Variants in LHFPL2 observed in about 807,000 individuals in gnomAD.
The protein encoded by LHFPL2 is LHFPL tetraspan subfamily member 2, also known as LHFPL tetraspan subfamily member 2 protein.
A neutral mutation model predicts 17.5 loss-of-function variants in LHFPL2; 7 were observed. That is an observed-to-expected ratio of 0.40 (90% CI 0.23 to 0.75). The LOEUF is 0.75. Ranked by LOEUF, LHFPL2 falls within the 30% of genes least tolerant of loss-of-function variation. The pLI is 0.37. For synonymous variants in LHFPL2, 134 were observed against 116.2 expected, an observed-to-expected ratio of 1.15 and a Z score of -0.99; for missense variants, 241 against 294.8, an observed-to-expected ratio of 0.82 and a Z score of 1.34.
chr5:78,542,147 T>C (rs576174759), intron 3 of LHFPL2, among the ~76,000 whole-genome samples: 63 of 151,956 alleles, frequency 4.1e-4, no homozygotes, highest in African/African-American at 1.5e-3. Flanking sequence ...TAAGCTTTTG[T>C]CCAACTCCTT....
At chr5:78,556,789 G>A (rs928722245) in intron 3 of LHFPL2, among the ~76,000 whole-genome samples, 2 of 152,146 alleles carry the variant, frequency 1.3e-5, no homozygotes, top group African/African-American at 4.8e-5. Context: ...ACTCAGTTAT[G>A]TAAAGAAAAG....
chr5:78,603,819 G>T (rs1744114294), intron 2 of LHFPL2, among the ~76,000 whole-genome samples: 1 of 152,188 alleles, frequency 6.6e-6, no homozygotes, highest in Admixed American at 6.5e-5. Context: ...ACCCTAATTT[G>T]GGGTTAGCTA....
At chr5:78,491,998 C>A (rs1754461914) in intron 4 of LHFPL2, among the ~76,000 whole-genome samples, 1 of 152,186 alleles carries the variant, frequency 6.6e-6, no homozygotes, top group South Asian at 2.1e-4. Context: ...TTAAATATTT[C>A]TAAGGCCTAT....
intron 4 of LHFPL2, among the ~76,000 whole-genome samples, chr5:78,492,111 AG>A (rs1359128100): frequency 2.0e-5 from 3 of 152,002 alleles, no homozygotes; most frequent in African/African-American, 7.3e-5. Flanking sequence ...CCAGGTCCTA[AG>A]GTGCCACTCT....
chr5:78,549,880 G>A (rs1756391049), intron 3 of LHFPL2, among the ~76,000 whole-genome samples: 2 of 152,174 alleles, frequency 1.3e-5, no homozygotes. Context: ...TCACCACAGT[G>A]CAGCTCTCCA....
At chr5:78,601,062 C>T (rs897819682) in intron 2 of LHFPL2, among the ~76,000 whole-genome samples, 7 of 152,154 alleles carry the variant, frequency 4.6e-5, no homozygotes, top group African/African-American at 1.7e-4. Flanking sequence ...TCAGAGTGAC[C>T]CTGCAGGCCC....
At chr5:78,581,323 A>C (rs1396463584) in intron 2 of LHFPL2, among the ~76,000 whole-genome samples, 2 of 152,208 alleles carry the variant, frequency 1.3e-5, no homozygotes, top group Non-Finnish European at 2.9e-5. Flanking sequence ...AACTTCCAAC[A>C]CTATATTGAA....
At chr5:78,547,181 C>T (rs1279468048) in intron 3 of LHFPL2, among the ~76,000 whole-genome samples, 2 of 152,186 alleles carry the variant, frequency 1.3e-5, no homozygotes, top group Non-Finnish European at 2.9e-5. Flanking sequence ...AGAAATGCCA[C>T]TCAGCCCGAA....
chr5:78,601,932 G>A (rs1488967621), intron 2 of LHFPL2, among the ~76,000 whole-genome samples: 2 of 152,172 alleles, frequency 1.3e-5, no homozygotes, highest in Non-Finnish European at 2.9e-5. Flanking sequence ...GTAGGAAGGA[G>A]TCAATGGGTG....
chr5:78,566,451 C>T (rs1466303354), intron 2 of LHFPL2, among the ~76,000 whole-genome samples: 1 of 151,542 alleles, frequency 6.6e-6, no homozygotes, highest in Non-Finnish European at 1.5e-5. Flanking sequence ...TTTGTTATAA[C>T]AGTTAAGGAA....
intron 3 of LHFPL2, among the ~76,000 whole-genome samples, chr5:78,552,668 A>G (rs1163981573): frequency 1.3e-5 from 2 of 152,180 alleles, no homozygotes; most frequent in Non-Finnish European, 1.5e-5. Context: ...TGCAGGGGGG[A>G]AAGAATTAGG....
At chr5:78,632,508 G>A (rs1193778736) in intron 1 of LHFPL2, 140 bp from the exon 2 acceptor site, 2 of 152,192 alleles carry the variant, frequency 1.3e-5, no homozygotes, top group Admixed American at 1.3e-4. Context: ...CCTGGCCAAG[G>A]GGCTGGATCA....
chr5:78,486,143 A>G lies in LHFPL2; in HGVS notation c.*2754T>C, dbSNP rs1754232933. On this transcript the variant is annotated 3_prime_UTR_variant, in exon 5 of 5. Transcript: ENST00000380345. ...AAAAGACTATGGCACTTTACAGAAT[A>G]TATGTTTAACAAAGATCATTACACC... 1 of 152,656 alleles carries G rather than the reference A, an allele frequency of 6.6e-6. No individual in the cohort carries two copies. The highest frequency in any genetic ancestry group is 2.4e-5 in the African/African-American group (1 of 41,448). The allele number at this position is 152,656 out of a possible 1,614,324, so 9.5% of individuals were successfully genotyped here. A position where few individuals can be genotyped will look rare whatever the true frequency, so the allele number is the denominator to read the frequency against.
intron 2 of LHFPL2, among the ~76,000 whole-genome samples, chr5:78,574,909 C>T (rs1221211512): frequency 6.6e-6 from 1 of 152,266 alleles, no homozygotes; most frequent in Non-Finnish European, 1.5e-5. Flanking sequence ...ACCTCAGTCT[C>T]TCTGTGTGAC....
intron 2 of LHFPL2, among the ~76,000 whole-genome samples, chr5:78,579,698 T>C (rs1743016867): frequency 6.6e-6 from 1 of 152,214 alleles, no homozygotes; most frequent in African/African-American, 2.4e-5. Context: ...CTGCATAGTA[T>C]TCCATGGTGT....
intron 3 of LHFPL2, among the ~76,000 whole-genome samples, chr5:78,545,182 G>A (rs963070948): frequency 5.3e-5 from 8 of 152,132 alleles, no homozygotes; most frequent in African/African-American, 1.7e-4. Context: ...GCTTCTTCAC[G>A]TCCAGCTCCA....
chr5:78,490,746 C>CAAAAAAAAAAA lies in LHFPL2; in HGVS notation c.431-1604_431-1594dup, dbSNP rs370809060. Reference sequence around the variant, plus strand: ...CTGGCAAAAGAGTGAGACTCCCTCTCAAAAAAAAAAAAAAAAAAGCAAGAT... The same window carrying CAAAAAAAAAAA: ...CTGGCAAAAGAGTGAGACTCCCTCTCAAAAAAAAAAAAAAAAAAAAAAAAAAAAAGCAAGAT... On this transcript the variant is annotated intron_variant, in intron 4 of 4. Transcript: ENST00000380345. Among the ~76,000 whole-genome samples the CAAAAAAAAAAA allele has an allele frequency of 3.9e-3, 357 of 92,086 alleles. 21 individuals carry two copies. Among genetic ancestry groups the CAAAAAAAAAAA allele is most frequent in the African/African-American group, 0.016 (336 of 20,562 alleles). 60.4% of individuals were successfully genotyped at this position (92,086 alleles called of 152,430 possible).
intron 2 of LHFPL2, among the ~76,000 whole-genome samples, chr5:78,584,387 C>T (rs571020521): frequency 1.5e-3 from 221 of 152,276 alleles, no homozygotes; most frequent in Non-Finnish European, 2.6e-3. Context: ...AGTTTTTCTG[C>T]TCTGTTTTTT....
chr5:78,617,766 C>T (rs59227268), intron 2 of LHFPL2, among the ~76,000 whole-genome samples: 3,329 of 152,222 alleles, frequency 0.022, 119 homozygotes, highest in African/African-American at 0.077. Context: ...TTAAACAGAA[C>T]AACTCCACTT....
Sources: allele counts gnomAD v4.1 joint callset (sites outside exome capture counted in the v4.1 genomes callset), GRCh38; gene constraint gnomAD v4.1.1; transcripts MANE v1.5; gene names NCBI Gene and HGNC (gene_info 2026-07-23, HGNC 2026-07-21).